H2BC6: variants seen among roughly 807,000 people sequenced by gnomAD.
H2BC6 encodes the protein histone H2B type 1-C/E/F/G/I.
A neutral mutation model predicts 6.1 loss-of-function variants in H2BC6; 8 were observed. The observed-to-expected ratio is 1.31, with a 90% CI of 0.77 to 2.36. The LOEUF is 2.36. H2BC6 is among the 30% of genes most tolerant of loss of function. H2BC6 has a pLI of 0.00. For missense variants in H2BC6, 212 were observed against 169.9 expected (o/e 1.25, Z -1.38); for synonymous variants, 136 against 73.9 (o/e 1.84, Z -4.31).
chr6:26,183,815 C>A lies in H2BC6; in HGVS notation c.20C>A (p.Ser7Tyr), dbSNP rs146757427. 339 of 1,607,094 alleles carry A rather than the reference C, an allele frequency of 2.1e-4. 1 individual carries two copies. Among genetic ancestry groups the A allele is most frequent in the Middle Eastern group, 1.3e-3 (8 of 6,084 alleles). The change falls in exon 1 of 1, where the codon TCC (serine) becomes TAC (tyrosine). Residue 7 changes from serine (S) to tyrosine (Y), a missense_variant. Coordinates refer to ENST00000614097, the MANE Select transcript of H2BC6 (RefSeq NM_003523.3). MPEPAKSAPAPKKGSKK... is the reference protein window; with the variant it reads MPEPAKYAPAPKKGSKK... ...GATAGCATGCCTGAGCCAGCGAAAT[C>A]CGCTCCCGCCCCGAAGAAGGGCTCC...
Position 26,184,097 on chromosome 6 carries a change from T to C in H2BC6, c.302T>C (p.Leu101Pro). The change falls in exon 1 of 1, where the codon CTG becomes CCG. Residue 101 changes from leucine to proline, a missense_variant. Leu to Pro is a moderately conservative substitution (Grantham distance 98, BLOSUM62 -3). Coordinates refer to ENST00000614097, the MANE Select transcript of H2BC6 (RefSeq NM_003523.3). ...TSREIQTAVR[L>P]LLPGELAKHA... ...AGGGAGATCCAGACGGCCGTGCGCCTGCTGCTTCCCGGGGAGCTGGCCAAG... is the reference window on the plus strand; with the variant it reads ...AGGGAGATCCAGACGGCCGTGCGCCCGCTGCTTCCCGGGGAGCTGGCCAAG... 3 of 1,614,218 alleles carry C rather than the reference T, an allele frequency of 1.9e-6. No individual in the cohort carries two copies. Among genetic ancestry groups the C allele is most frequent in the Non-Finnish European group, 2.5e-6 (3 of 1,180,030 alleles).
rs769608700 is a variant in H2BC6 at position 26,184,017 on chromosome 6, C to T, written c.222C>T (p.Ile74=). 21 of 1,614,168 alleles carry T rather than the reference C, an allele frequency of 1.3e-5. No individual in the cohort carries two copies. The highest frequency in any genetic ancestry group is 1.6e-4 in the Middle Eastern group (1 of 6,084). Residue 74 remains isoleucine (I), a synonymous_variant, in exon 1 of 1, where the codon ATC becomes ATT. Coordinates refer to ENST00000614097, the MANE Select transcript of H2BC6 (RefSeq NM_003523.3). ...TTGTCAACGACATCTTCGAGCGCAT[C>T]GCCGGCGAGGCTTCCCGCCTGGCGC... ...NSFVNDIFER[I]AGEASRLAHY...
In H2BC6 at chr6:26,184,184, CCTGCAA is replaced by C. The variant is rs1286070412; in HGVS notation, c.*13_*18del. ...TACACCAGCTCCAAGTAAACTTGTC[CCTGCAA>C]CTGCCTTAGTAAACCCAAAGGCTCT... On this transcript the variant is annotated 3_prime_UTR_variant, in exon 1 of 1. Transcript: ENST00000614097. The C allele has an allele frequency of 6.2e-7, 1 of 1,613,620 alleles. No homozygotes were observed. Among genetic ancestry groups the C allele is most frequent in the African/African-American group, 1.3e-5 (1 of 74,910 alleles).
chr6:26,184,049 A>G lies in H2BC6; in HGVS notation c.254A>G (p.Asn85Ser), dbSNP rs1271258386. Residue 85 changes from asparagine to serine, a missense_variant, in exon 1 of 1, where the codon AAC (asparagine) becomes AGC (serine). Coordinates refer to ENST00000614097, the MANE Select transcript of H2BC6 (RefSeq NM_003523.3). ...AGEASRLAHY[N>S]KRSTITSREI... ...GAGGCTTCCCGCCTGGCGCATTACAACAAGCGCTCGACCATCACCTCCAGG... is the reference window on the plus strand; with the variant it reads ...GAGGCTTCCCGCCTGGCGCATTACAGCAAGCGCTCGACCATCACCTCCAGG... 6 of 1,614,238 alleles carry G rather than the reference A, an allele frequency of 3.7e-6. No individual in the cohort carries two copies. The highest frequency in any genetic ancestry group is 3.3e-5 in the South Asian group (3 of 91,090).
Position 26,183,946 on chromosome 6 carries a change from C to A in H2BC6, c.151C>A (p.Pro51Thr), listed in dbSNP as rs906905912. Residue 51 changes from proline (P) to threonine (T), a missense_variant, in exon 1 of 1, where the codon CCC (proline) becomes ACC (threonine). By Grantham distance (38) the Pro-to-Thr change is conservative. Coordinates refer to ENST00000614097, the MANE Select transcript of H2BC6 (RefSeq NM_003523.3). ...YVYKVLKQVH[P>T]DTGISSKAMG... is the part of the protein sequence containing the mutation. ...GTACAAGGTGCTGAAACAGGTCCAC[C>A]CCGACACCGGCATCTCCTCTAAAGC... 2 of 1,614,236 alleles carry A rather than the reference C, an allele frequency of 1.2e-6. No homozygotes were observed. Among genetic ancestry groups the A allele is most frequent in the Non-Finnish European group, 8.5e-7 (1 of 1,180,046 alleles).
At position 26,184,194 on chromosome 6, in the gene H2BC6, C is replaced by T. The variant is rs1328602755; in HGVS notation, c.*18C>T. The T allele has an allele frequency of 6.2e-7, 1 of 1,612,818 alleles. No individual in the cohort carries two copies. The highest frequency in any genetic ancestry group is 1.3e-5 in the African/African-American group (1 of 74,856). On this transcript the variant is annotated 3_prime_UTR_variant, in exon 1 of 1. Transcript: ENST00000614097. ...CCAAGTAAACTTGTCCCTGCAACTG[C>T]CTTAGTAAACCCAAAGGCTCTTTTC...
rs1764742819 is a variant in H2BC6, at chr6:26,184,026, G to A, written c.231G>A (p.Glu77=). The A allele has an allele frequency of 3.7e-6, 6 of 1,614,274 alleles. No individual in the cohort carries two copies. The Admixed American group carries it at 5.0e-5, about 13-fold the overall frequency. ...ACATCTTCGAGCGCATCGCCGGCGAGGCTTCCCGCCTGGCGCATTACAACA... is the reference window on the plus strand; with the variant it reads ...ACATCTTCGAGCGCATCGCCGGCGAAGCTTCCCGCCTGGCGCATTACAACA... The part of the protein sequence containing the change: ...VNDIFERIAG[E]ASRLAHYNKR... Residue 77 remains glutamate (E), a synonymous_variant, in exon 1 of 1, where the codon GAG becomes GAA. Coordinates refer to ENST00000614097, the MANE Select transcript of H2BC6 (RefSeq NM_003523.3).
In H2BC6 at chr6:26,183,950, A is replaced by T; in HGVS notation, c.155A>T (p.Asp52Val). The change falls in exon 1 of 1, where the codon GAC (aspartate) becomes GTC (valine). Residue 52 changes from aspartate to valine, a missense_variant. Coordinates refer to ENST00000614097, the MANE Select transcript of H2BC6 (RefSeq NM_003523.3). ...VYKVLKQVHP[D>V]TGISSKAMGI... Reference sequence around the variant, plus strand: ...AAGGTGCTGAAACAGGTCCACCCCGACACCGGCATCTCCTCTAAAGCCATG... The same window carrying T: ...AAGGTGCTGAAACAGGTCCACCCCGTCACCGGCATCTCCTCTAAAGCCATG... 6.2e-7 allele frequency: 1 copy of T among 1,614,222 alleles called. No homozygotes were observed. Among genetic ancestry groups the T allele is most frequent in the Non-Finnish European group, 8.5e-7 (1 of 1,180,044 alleles).
Position 26,183,792 on chromosome 6 carries a change from T to C in H2BC6, c.-4T>C, listed in dbSNP as rs779953852. 9.9e-6 allele frequency: 16 copies of C among 1,613,938 alleles called. No individual in the cohort carries two copies. The highest frequency in any genetic ancestry group is 1.6e-4 in the Middle Eastern group (1 of 6,084). ...TTTCCTAACTGCAGAACAGCAAAGA[T>C]AGCATGCCTGAGCCAGCGAAATCCG... On this transcript the variant is annotated 5_prime_UTR_variant, in exon 1 of 1. Coordinates refer to ENST00000614097, the MANE Select transcript of H2BC6 (RefSeq NM_003523.3).
rs369025359 is a variant in H2BC6 at position 26,184,219 on chromosome 6, C to T, written c.*43C>T. 9.5e-5 allele frequency: 152 copies of T among 1,602,736 alleles called. No individual in the cohort carries two copies. Among genetic ancestry groups the T allele is most frequent in the Non-Finnish European group, 1.2e-4 (138 of 1,174,560 alleles). ...CCTTAGTAAACCCAAAGGCTCTTTTCAGAGCCACTCACCTTTTCACAATTG... is the reference window on the plus strand; with the variant it reads ...CCTTAGTAAACCCAAAGGCTCTTTTTAGAGCCACTCACCTTTTCACAATTG... On this transcript the variant is annotated 3_prime_UTR_variant, in exon 1 of 1. Coordinates refer to ENST00000614097, the MANE Select transcript of H2BC6 (RefSeq NM_003523.3).
rs201385344 is a variant in H2BC6 at position 26,183,805 on chromosome 6, C to T, written c.10C>T (p.Pro4Ser). 1.2e-5 allele frequency: 20 copies of T among 1,614,008 alleles called. No individual in the cohort carries two copies. Among genetic ancestry groups the T allele is most frequent in the Non-Finnish European group, 1.6e-5 (19 of 1,179,992 alleles). ...GAACAGCAAAGATAGCATGCCTGAG[C>T]CAGCGAAATCCGCTCCCGCCCCGAA... Reference protein sequence around the residue: MPEPAKSAPAPKKG... With the variant: MPESAKSAPAPKKG... Residue 4 changes from proline (P) to serine (S), a missense_variant, in exon 1 of 1, where the codon CCA (proline) becomes TCA (serine). Transcript: ENST00000614097.
chr6:26,183,919 G>C lies in H2BC6; in HGVS notation c.124G>C (p.Val42Leu). ...RSRKESYSVY[V>L]YKVLKQVHPD... ...CCGCAAGGAGAGCTACTCCGTATACGTGTACAAGGTGCTGAAACAGGTCCA... is the reference window on the plus strand; with the variant it reads ...CCGCAAGGAGAGCTACTCCGTATACCTGTACAAGGTGCTGAAACAGGTCCA... Residue 42 changes from valine (V) to leucine (L), a missense_variant, in exon 1 of 1, where the codon GTG (valine) becomes CTG (leucine). Physicochemically the swap from Val to Leu is conservative, Grantham distance 32. Coordinates refer to ENST00000614097, the MANE Select transcript of H2BC6 (RefSeq NM_003523.3). 1.2e-6 allele frequency: 2 copies of C among 1,614,266 alleles called. No homozygotes were observed. The highest frequency in any genetic ancestry group is 1.7e-6 in the Non-Finnish European group (2 of 1,180,044).
chr6:26,183,893 G>A lies in H2BC6; in HGVS notation c.98G>A (p.Ser33Asn). Residue 33 changes from serine (S) to asparagine (N), a missense_variant, in exon 1 of 1, where the codon AGC becomes AAC. Physicochemically the swap from Ser to Asn is conservative, Grantham distance 46. Transcript: ENST00000614097. ...AAGGACGGCAAGAAGCGCAAGCGCA[G>A]CCGCAAGGAGAGCTACTCCGTATAC... ...QKKDGKKRKRSRKESYSVYVY... is the reference protein window; with the variant it reads ...QKKDGKKRKRNRKESYSVYVY... 6.2e-7 allele frequency: 1 copy of A among 1,614,280 alleles called. No homozygotes were observed. The highest frequency in any genetic ancestry group is 8.5e-7 in the Non-Finnish European group (1 of 1,180,046).
chr6:26,184,150 G>A lies in H2BC6; in HGVS notation c.355G>A (p.Val119Ile), dbSNP rs1764745624. 1 of 1,614,234 alleles carries A rather than the reference G, an allele frequency of 6.2e-7. No homozygotes were observed. The highest frequency in any genetic ancestry group is 8.5e-7 in the Non-Finnish European group (1 of 1,180,046). Residue 119 changes from valine to isoleucine, a missense_variant, in exon 1 of 1, where the codon GTT becomes ATT. Val to Ile is a conservative substitution (Grantham distance 29). Transcript: ENST00000614097. ...KHAVSEGTKA[V>I]TKYTSSK ...CGCTGTGTCAGAGGGCACCAAGGCC[G>A]TTACCAAGTACACCAGCTCCAAGTA...
rs1040348283 is a variant in H2BC6, at chr6:26,183,790, G to A, written c.-6G>A. Reference sequence around the variant, plus strand: ...TCTTTCCTAACTGCAGAACAGCAAAGATAGCATGCCTGAGCCAGCGAAATC... The same window carrying A: ...TCTTTCCTAACTGCAGAACAGCAAAAATAGCATGCCTGAGCCAGCGAAATC... On this transcript the variant is annotated 5_prime_UTR_variant, in exon 1 of 1. Coordinates refer to ENST00000614097, the MANE Select transcript of H2BC6 (RefSeq NM_003523.3). The A allele has an allele frequency of 6.2e-7, 1 of 1,613,984 alleles. No homozygotes were observed. The highest frequency in any genetic ancestry group is 8.5e-7 in the Non-Finnish European group (1 of 1,179,974).
chr6:26,184,186 T>A lies in H2BC6; in HGVS notation c.*10T>A. 6.2e-7 allele frequency: 1 copy of A among 1,613,732 alleles called. No individual in the cohort carries two copies. Among genetic ancestry groups the A allele is most frequent in the Non-Finnish European group, 8.5e-7 (1 of 1,179,810 alleles). On this transcript the variant is annotated 3_prime_UTR_variant, in exon 1 of 1. Coordinates refer to ENST00000614097, the MANE Select transcript of H2BC6 (RefSeq NM_003523.3). ...CACCAGCTCCAAGTAAACTTGTCCC[T>A]GCAACTGCCTTAGTAAACCCAAAGG...
Position 26,183,852 on chromosome 6 carries a change from G to A in H2BC6, c.57G>A (p.Val19=), listed in dbSNP as rs529756458. ...PAPKKGSKKA[V]TKAQKKDGKK... is the part of the protein sequence containing the mutation. Reference sequence around the variant, plus strand: ...CGAAGAAGGGCTCCAAGAAGGCCGTGACCAAGGCGCAGAAGAAGGACGGCA... The same window carrying A: ...CGAAGAAGGGCTCCAAGAAGGCCGTAACCAAGGCGCAGAAGAAGGACGGCA... Residue 19 remains valine, a synonymous_variant, in exon 1 of 1, where the codon GTG becomes GTA. Coordinates refer to ENST00000614097, the MANE Select transcript of H2BC6 (RefSeq NM_003523.3). 3.1e-6 allele frequency: 5 copies of A among 1,614,246 alleles called. No individual in the cohort carries two copies. Among genetic ancestry groups the A allele is most frequent in the African/African-American group, 1.3e-5 (1 of 75,064 alleles).
At position 26,184,139 on chromosome 6, in the gene H2BC6, G is replaced by T. The variant is rs1188433061; in HGVS notation, c.344G>T (p.Gly115Val). Residue 115 changes from glycine (G) to valine (V), a missense_variant, in exon 1 of 1, where the codon GGC becomes GTC. By Grantham distance (109) the Gly-to-Val change is moderately radical (BLOSUM62 -3). Transcript: ENST00000614097. ...GELAKHAVSE[G>V]TKAVTKYTSS... ...CTGGCCAAGCACGCTGTGTCAGAGG[G>T]CACCAAGGCCGTTACCAAGTACACC... is the stretch of plus-strand genomic sequence containing the variant. The T allele has an allele frequency of 1.2e-6, 2 of 1,614,106 alleles. No homozygotes were observed. Among genetic ancestry groups the T allele is most frequent in the South Asian group, 2.2e-5 (2 of 91,084 alleles).
rs147307438 is a variant in H2BC6 at position 26,184,143 on chromosome 6, C to T, written c.348C>T (p.Thr116=). ...ELAKHAVSEG[T]KAVTKYTSSK ...CCAAGCACGCTGTGTCAGAGGGCAC[C>T]AAGGCCGTTACCAAGTACACCAGCT... The change falls in exon 1 of 1, where the codon ACC becomes ACT. Residue 116 remains threonine (T), a synonymous_variant. Transcript: ENST00000614097. The T allele has an allele frequency of 1.1e-5, 17 of 1,614,128 alleles. No homozygotes were observed. The highest frequency in any genetic ancestry group is 2.7e-5 in the African/African-American group (2 of 74,948).
Sources: allele counts gnomAD v4.1 joint callset, GRCh38; gene constraint gnomAD v4.1.1; transcripts MANE v1.5; gene names NCBI Gene and HGNC (gene_info 2026-07-23, HGNC 2026-07-21).